The following ABCF1 variants were observed in gnomAD, a reference collection of about 807,000 sequenced individuals.
ABCF1 encodes ATP-binding cassette sub-family F member 1.
Under a neutral mutation model 126.3 loss-of-function variants are expected in ABCF1, and 73 were observed. That is an observed-to-expected ratio of 0.58 (90% confidence interval 0.48 to 0.70). The LOEUF (loss-of-function observed/expected upper bound fraction) is 0.70. Among genes scored for constraint, ABCF1 ranks in the 30% least tolerant of loss-of-function variants. The pLI, the probability that ABCF1 is intolerant of heterozygous loss-of-function variation, is 0.00. For synonymous variants in ABCF1, 345 were observed against 396.4 expected (o/e 0.87, Z 1.54); for missense variants, 786 against 1,057.5 (o/e 0.74, Z 3.56).
chr6:30,585,536 C>G (rs1281676635), intron 15 of ABCF1, 22 bp from the exon 16 acceptor site: 1 of 1,612,850 alleles, frequency 6.2e-7, no homozygotes, highest in South Asian at 1.1e-5. Context: ...GTGACACTTA[C>G]ACCCTGTTCT....
In ABCF1 at chr6:30,578,200, A is replaced by G. The variant is rs1353838763; in HGVS notation, c.341A>G (p.Glu114Gly). Residue 114 changes from glutamate to glycine, a missense_variant and splice_region_variant, in exon 4 of 25, where the codon GAA (glutamate) becomes GGA (glycine). This residue lies in a region of ABCF1 where 322 missense variants were observed against 322.9 expected (regional missense o/e 1.00). Transcript: ENST00000326195. The part of the protein sequence containing the change: ...LSVPTSDEED[E>G]VPAPKPRGGK... ...GTGCCAACCAGTGATGAGGAGGATG[A>G]AGGTAAATGACCTGAGGGGGAATGG... 1 of 1,613,780 alleles carries G rather than the reference A, an allele frequency of 6.2e-7. No homozygotes were observed. The highest frequency in any genetic ancestry group is 8.5e-7 in the Non-Finnish European group (1 of 1,179,998).
At chr6:30,582,989 A>G in intron 9 of ABCF1, 77 bp from the exon 10 acceptor site, 1 of 1,546,768 alleles carries the variant, frequency 6.5e-7, no homozygotes, top group Non-Finnish European at 8.8e-7. Flanking sequence ...CAGCATGCCC[A>G]GCCAGCATGG....
In ABCF1 at chr6:30,577,411, A is replaced by C; in HGVS notation, c.76A>C (p.Lys26Gln). 6.2e-7 allele frequency: 1 copy of C among 1,614,006 alleles called. No individual in the cohort carries two copies. The highest frequency in any genetic ancestry group is 8.5e-7 in the Non-Finnish European group (1 of 1,179,962). ...ACGATGTCCGCTTAACTTTCTAGAC[A>C]AAGTGGTGAAGAAAGGGAAGAAGGA... ...GDGESTSPSD[K>Q]VVKKGKKDKK... The change falls in exon 2 of 25, where the codon AAA (lysine) becomes CAA (glutamine). Residue 26 changes from lysine (K) to glutamine (Q), a missense_variant and splice_region_variant. This residue lies in a region of ABCF1 where 322 missense variants were observed against 322.9 expected (regional missense o/e 1.00). Transcript: ENST00000326195.
At position 30,581,821 on chromosome 6, in the gene ABCF1, T is replaced by G. The variant is rs1045732005; in HGVS notation, c.679-573T>G. ...AGTTACATTGTATTGGGAGTTACAT[T>G]TATAGGGACATAACGCGTTGTCACA... On this transcript the variant is annotated intron_variant, in intron 8 of 24. Coordinates refer to ENST00000326195, the MANE Select transcript of ABCF1 (RefSeq NM_001025091.2). Among the ~76,000 whole-genome samples, 20 of 152,298 alleles carry G rather than the reference T, an allele frequency of 1.3e-4. 1 individual carries two copies. The South Asian group carries it at 2.3e-3, about 17-fold the overall frequency.
At position 30,585,580 on chromosome 6, in the gene ABCF1, AC is replaced by A; in HGVS notation, c.1500del (p.Leu501CysfsTer2). On this transcript the variant is annotated frameshift_variant, in exon 16 of 25. Transcript: ENST00000326195. LOFTEE classifies it high-confidence loss of function. ...CAGCTACCTCCAGGGCTGGCGGAAGACCTTGCTGATCGTCTCCCATGACCAG... is the reference window on the plus strand; with the variant it reads ...CAGCTACCTCCAGGGCTGGCGGAAGACTTGCTGATCGTCTCCCATGACCAG... Reference protein sequence around the residue: ...LNNYLQGWRKTLLIVSHDQGF... With the variant: ...LNNYLQGWRKXLLIVSHDQGF... 6.2e-7 allele frequency: 1 copy of A among 1,612,868 alleles called. No individual in the cohort carries two copies. The highest frequency in any genetic ancestry group is 8.5e-7 in the Non-Finnish European group (1 of 1,180,004).
At chr6:30,576,991 A>T (rs765875100) in intron 1 of ABCF1, among the ~76,000 whole-genome samples, 1 of 152,172 alleles carries the variant, frequency 6.6e-6, no homozygotes, top group Non-Finnish European at 1.5e-5. Context: ...CTTAAATGCC[A>T]TCTTCTTAGA....
Position 30,589,949 on chromosome 6 carries a change from C to T in ABCF1, c.2208C>T (p.His736=). The change falls in exon 22 of 25, where the codon CAC becomes CAT. Residue 736 remains histidine (H), a synonymous_variant. Transcript: ENST00000326195. ...LGRFGLESHA[H]TIQICKLSGG... is the part of the protein sequence containing the mutation. Reference sequence around the variant, plus strand: ...GCTTCGGCCTGGAGAGTCACGCCCACACCATCCAGATCTGCAAACTCTCTG... The same window carrying T: ...GCTTCGGCCTGGAGAGTCACGCCCATACCATCCAGATCTGCAAACTCTCTG... The T allele has an allele frequency of 1.2e-6, 2 of 1,613,706 alleles. No individual in the cohort carries two copies. Among genetic ancestry groups the T allele is most frequent in the East Asian group, 2.2e-5 (1 of 44,882 alleles).
rs140477881 is a variant in ABCF1 at position 30,572,753 on chromosome 6, A to G, written c.73+1193A>G. Among the ~76,000 whole-genome samples, 113 of 152,334 alleles carry G rather than the reference A, an allele frequency of 7.4e-4. 1 individual carries two copies. In the East Asian group the frequency reaches 0.021, roughly 29 times the overall value. ...TGGGCTCAAGTAATTCTCCTGCCTC[A>G]GCCTCCAAAAGTGCTGGGATTACAG... On this transcript the variant is annotated intron_variant, in intron 1 of 24. Transcript: ENST00000326195.
chr6:30,584,345 C>T lies in ABCF1; in HGVS notation c.1242+14C>T, dbSNP rs376867724. 6 of 1,612,918 alleles carry T rather than the reference C, an allele frequency of 3.7e-6. No individual in the cohort carries two copies. Among genetic ancestry groups the T allele is most frequent in the Admixed American group, 3.3e-5 (2 of 60,002 alleles). ...AGGCTAGAGAAGGTAGAGGAGATGG[C>T]GCAGGGGACACGGGCAAAGACTTGG... is the stretch of plus-strand genomic sequence containing the variant. On this transcript the variant is annotated intron_variant, in intron 13 of 24. Transcript: ENST00000326195. The surrounding 1 kb of genome is among the most constrained non-coding windows in gnomAD (Gnocchi z 4.6).
In ABCF1 at chr6:30,590,329, CAT is replaced by C; in HGVS notation, c.2324_2325del (p.Ile775ArgfsTer4). 1 of 1,612,038 alleles carries C rather than the reference CAT, an allele frequency of 6.2e-7. No individual in the cohort carries two copies. The highest frequency in any genetic ancestry group is 1.1e-5 in the South Asian group (1 of 90,968). On this transcript the variant is annotated frameshift_variant, in exon 24 of 25. Transcript: ENST00000326195. LOFTEE classifies it high-confidence loss of function. ...AGGACGAGCCAACCAATAACCTGGA[CAT>C]AGAGTCTATTGATGCTCTAGGGGAG... ...ILDEPTNNLD[I>X]ESIDALGEAI...
intron 5 of ABCF1, 35 bp from the exon 6 acceptor site, chr6:30,578,435 A>G: frequency 6.2e-7 from 1 of 1,614,046 alleles, no homozygotes; most frequent in South Asian, 1.1e-5. Context: ...AACCTTGACC[A>G]TCCTACTGAC....
At position 30,584,373 on chromosome 6, in the gene ABCF1, G is replaced by T. The variant is rs1160265930; in HGVS notation, c.1242+42G>T. ...AGGGGACACGGGCAAAGACTTGGGG[G>T]TTCCTGGGACCCTCAGACGTGTGTC... On this transcript the variant is annotated intron_variant, in intron 13 of 24. Coordinates refer to ENST00000326195, the MANE Select transcript of ABCF1 (RefSeq NM_001025091.2). This position sits in a 1 kb window ranked among gnomAD's most constrained non-coding sequence, Gnocchi z 4.6. 1 of 1,613,112 alleles carries T rather than the reference G, an allele frequency of 6.2e-7. No homozygotes were observed. The highest frequency in any genetic ancestry group is 1.7e-5 in the Admixed American group (1 of 60,018).
At chr6:30,587,773 C>T (rs2127417307) in intron 20 of ABCF1, among the ~76,000 whole-genome samples, 1 of 150,954 alleles carries the variant, frequency 6.6e-6, no homozygotes, top group African/African-American at 2.4e-5. Flanking sequence ...TGCTTGAGTC[C>T]AGGGGGCAGA....
rs755295486 is a variant in ABCF1 at position 30,582,423 on chromosome 6, AGAG to A, written c.717_719del (p.Glu240del). ...CAGAGGAAGAAGGAGAAGGGGAAGA[AGAG>A]GAGGAGGAAGGAGGAGAGTCTAAGG... On this transcript the variant is annotated inframe_deletion, in exon 9 of 25. Transcript: ENST00000326195. 1.1e-5 allele frequency: 18 copies of A among 1,610,936 alleles called. No homozygotes were observed. The South Asian group carries it at 1.2e-4, about 11-fold the overall frequency.
Position 30,586,632 on chromosome 6 carries a change from A to C in ABCF1, c.1961-9A>C. ...GGACCTCTTTGACCACCTGTCTTCC[A>C]TCTTGCAGTTTGCATTGTGGGCCCT... On this transcript the variant is annotated splice_polypyrimidine_tract_variant and intron_variant, in intron 19 of 24. Transcript: ENST00000326195. The surrounding 1 kb of genome is among the most constrained non-coding windows in gnomAD (Gnocchi z 4.9). 6.2e-7 allele frequency: 1 copy of C among 1,613,614 alleles called. No individual in the cohort carries two copies. Among genetic ancestry groups the C allele is most frequent in the Non-Finnish European group, 8.5e-7 (1 of 1,180,008 alleles).
In ABCF1 at chr6:30,589,977, A is replaced by G; in HGVS notation, c.2233+3A>G. 1 of 1,612,764 alleles carries G rather than the reference A, an allele frequency of 6.2e-7. No individual in the cohort carries two copies. The highest frequency in any genetic ancestry group is 1.3e-5 in the African/African-American group (1 of 75,016). On this transcript the variant is annotated splice_donor_region_variant and intron_variant, in intron 22 of 24. Transcript: ENST00000326195. ...CATCCAGATCTGCAAACTCTCTGGT[A>G]CCACTTCAGGGGCCAGGGAGGGTGC...
chr6:30,575,486 C>T (rs991327923), intron 1 of ABCF1, among the ~76,000 whole-genome samples: 1 of 151,850 alleles, frequency 6.6e-6, no homozygotes, highest in African/African-American at 2.4e-5. Context: ...GAAGGGAAAT[C>T]ATGAGGCTGC....
intron 6 of ABCF1, 104 bp downstream of exon 6, chr6:30,578,681 CT>C: frequency 9.8e-7 from 1 of 1,023,628 alleles, no homozygotes. Context: ...GTCTGTCTTA[CT>C]TATACTGTTA....
Position 30,583,241 on chromosome 6 carries a change from C to G in ABCF1, c.915+53C>G, listed in dbSNP as rs986315698. On this transcript the variant is annotated intron_variant, in intron 10 of 24. Coordinates refer to ENST00000326195, the MANE Select transcript of ABCF1 (RefSeq NM_001025091.2). The surrounding 1 kb of genome is among the most constrained non-coding windows in gnomAD (Gnocchi z 4.1). The stretch of plus-strand genomic sequence containing the variant: ...CCACTTACCTAGGGAAGAGCCAGTT[C>G]TCTCATCTTCCCTGAGTGGCTGTGG... 6.4e-7 allele frequency: 1 copy of G among 1,564,610 alleles called. No individual in the cohort carries two copies. The highest frequency in any genetic ancestry group is 1.4e-5 in the African/African-American group (1 of 73,560).
Sources: gnomAD v4.1 joint callset for allele counts (sites outside exome capture counted in the v4.1 genomes callset) on GRCh38, gnomAD v4.1.1 for gene constraint, gnomAD v4.1.1 regional missense constraint, Gnocchi (gnomAD v3.1) non-coding constraint, MANE v1.5 for transcripts, NCBI Gene and HGNC (gene_info 2026-07-23, HGNC 2026-07-21) for gene names.